TANGO6: variants seen among roughly 807,000 people sequenced by gnomAD.
The protein encoded by TANGO6 is transport and Golgi organization protein 6 homolog.
In TANGO6, 90 loss-of-function variants were observed where a neutral mutation model predicts 114.2. The ratio of observed to expected loss-of-function variants is 0.79; its 90% confidence interval spans 0.66 to 0.94. TANGO6 has a LOEUF of 0.94. TANGO6 is among the 40% of genes least tolerant of loss of function. TANGO6 has a pLI of 0.00. For synonymous variants in TANGO6, 477 were observed against 509.8 expected (o/e 0.94, Z 0.87); for missense variants, 1,274 against 1,315.3 (o/e 0.97, Z 0.49).
chr16:68,984,404 C>T (rs985134876), intron 15 of TANGO6, among the ~76,000 whole-genome samples: 4 of 152,144 alleles, frequency 2.6e-5, no homozygotes, highest in African/African-American at 9.7e-5. Flanking sequence ...TTTTCCTTTC[C>T]CGTTTCTCTT....
intron 13 of TANGO6, 54 bp downstream of exon 13, chr16:68,928,137 A>T: frequency 6.8e-7 from 1 of 1,480,156 alleles, no homozygotes; most frequent in Non-Finnish European, 8.9e-7. Context: ...CATTCATTCA[A>T]CTCAAGTATT....
intron 15 of TANGO6, among the ~76,000 whole-genome samples, chr16:69,018,795 C>T (rs1007439321): frequency 1.3e-4 from 20 of 151,978 alleles, no homozygotes; most frequent in African/African-American, 4.8e-4. Flanking sequence ...GGCGTGGTGG[C>T]GGGTGCCTGT....
intron 3 of TANGO6, among the ~76,000 whole-genome samples, chr16:68,864,780 T>G (rs1238715550): frequency 6.6e-6 from 1 of 152,084 alleles, no homozygotes; most frequent in Non-Finnish European, 1.5e-5. Flanking sequence ...TTGTAAACCT[T>G]TCCATTCTTC....
intron 15 of TANGO6, among the ~76,000 whole-genome samples, chr16:69,004,472 C>T (rs909996331): frequency 2.6e-5 from 4 of 152,078 alleles, no homozygotes; most frequent in African/African-American, 9.7e-5. Context: ...CCTCCTGCCT[C>T]AGCCTCCTGA....
chr16:68,998,213 T>A (rs1382828662), intron 15 of TANGO6, among the ~76,000 whole-genome samples: 2 of 152,172 alleles, frequency 1.3e-5, no homozygotes, highest in Non-Finnish European at 2.9e-5. Context: ...AGAATTAGAA[T>A]ACTCATTCAG....
At chr16:68,883,558 G>A (rs935944490) in intron 7 of TANGO6, among the ~76,000 whole-genome samples, 1 of 152,124 alleles carries the variant, frequency 6.6e-6, no homozygotes, top group Non-Finnish European at 1.5e-5. Context: ...GGACATTTAG[G>A]TTGTTTCCAT....
chr16:69,004,253 C>G lies in TANGO6; in HGVS notation c.2843-18575C>G, dbSNP rs557703890. Among the ~76,000 whole-genome samples, 7 of 152,136 alleles carry G rather than the reference C, an allele frequency of 4.6e-5. No homozygotes were observed. The East Asian group carries it at 1.3e-3, about 29-fold the overall frequency. On this transcript the variant is annotated intron_variant, in intron 15 of 17. Coordinates refer to ENST00000261778, the MANE Select transcript of TANGO6 (RefSeq NM_024562.2). The stretch of plus-strand genomic sequence containing the variant: ...AAACACAGCTAGACATGTATGCACA[C>G]ACATAAAGATCCAATAGCTTTTATC...
At chr16:69,046,666 G>A (rs1959863695) in intron 17 of TANGO6, among the ~76,000 whole-genome samples, 1 of 152,072 alleles carries the variant, frequency 6.6e-6, no homozygotes, top group South Asian at 2.1e-4. Context: ...CAATGAAGTA[G>A]AGGAGAAATA....
In TANGO6 at chr16:68,972,460, T is replaced by C. The variant is rs76951109; in HGVS notation, c.2702-1568T>C. Among the ~76,000 whole-genome samples, 67 of 152,190 alleles carry C rather than the reference T, an allele frequency of 4.4e-4. No individual in the cohort carries two copies. In the East Asian group the frequency reaches 0.01, roughly 23 times the overall value. On this transcript the variant is annotated intron_variant, in intron 14 of 17. Transcript: ENST00000261778. ...GAGAATGGTAAATTTAGATGAAAAA[T>C]AAGTATAGATTTCTCAAGCATTTAT... is the stretch of plus-strand genomic sequence containing the variant.
chr16:68,950,322 T>C (rs1363319222), intron 14 of TANGO6, among the ~76,000 whole-genome samples: 1 of 152,144 alleles, frequency 6.6e-6, no homozygotes, highest in Non-Finnish European at 1.5e-5. Context: ...TCCCAACACT[T>C]TGGGAGGCCG....
At chr16:68,896,644 G>A (rs902677234) in intron 7 of TANGO6, among the ~76,000 whole-genome samples, 1 of 152,170 alleles carries the variant, frequency 6.6e-6, no homozygotes, top group African/African-American at 2.4e-5. Context: ...TTCCATCAAG[G>A]AAGTTTAAAG....
chr16:69,002,387 C>T (rs921745241), intron 15 of TANGO6, among the ~76,000 whole-genome samples: 3 of 152,108 alleles, frequency 2.0e-5, no homozygotes, highest in East Asian at 1.9e-4. Flanking sequence ...TCCCCATAAT[C>T]GCCATGTATT....
intron 15 of TANGO6, among the ~76,000 whole-genome samples, chr16:69,003,646 A>T (rs944556568): frequency 6.6e-6 from 1 of 152,178 alleles, no homozygotes; most frequent in Non-Finnish European, 1.5e-5. Context: ...TTATAAATTA[A>T]TTTTCTTTCA....
At chr16:69,019,964 C>T (rs1959371705) in intron 15 of TANGO6, among the ~76,000 whole-genome samples, 1 of 152,098 alleles carries the variant, frequency 6.6e-6, no homozygotes, top group African/African-American at 2.4e-5. Context: ...TCAATATTAC[C>T]ATTTCCTGTA....
At chr16:68,870,470 G>C (rs1392247967) in intron 4 of TANGO6, among the ~76,000 whole-genome samples, 1 of 152,148 alleles carries the variant, frequency 6.6e-6, no homozygotes, top group African/African-American at 2.4e-5. Flanking sequence ...CCCATAAGAA[G>C]TTGTCCCTTA....
intron 15 of TANGO6, among the ~76,000 whole-genome samples, chr16:69,020,904 ATGTGTGTGTGTGTGTGTGTGTG>A (rs34350425): frequency 1.1e-5 from 1 of 87,284 alleles, no homozygotes; most frequent in African/African-American, 2.9e-5. Flanking sequence ...ATATGTATGT[ATGTGTGTGTGTGTGTGTGTGTG>A]TGTGTGTGTG....
chr16:68,874,598 A>G (rs542467885), intron 4 of TANGO6, among the ~76,000 whole-genome samples: 2 of 152,328 alleles, frequency 1.3e-5, no homozygotes, highest in African/African-American at 4.8e-5. Flanking sequence ...TATGAATAAT[A>G]TCATTATAGT....
chr16:68,965,374 C>T (rs961695891), intron 14 of TANGO6, among the ~76,000 whole-genome samples: 1 of 152,050 alleles, frequency 6.6e-6, no homozygotes, highest in African/African-American at 2.4e-5. Context: ...TTCATTTTCC[C>T]CCTCTTTCTA....
chr16:69,082,512 C>T (rs928608216), intron 17 of TANGO6, among the ~76,000 whole-genome samples: 18 of 151,878 alleles, frequency 1.2e-4, no homozygotes, highest in Non-Finnish European at 2.4e-4. Flanking sequence ...TTTGGGAGGC[C>T]GAGGCAGGCA....
Sources: allele counts gnomAD v4.1 joint callset (sites outside exome capture counted in the v4.1 genomes callset), GRCh38; gene constraint gnomAD v4.1.1; transcripts MANE v1.5; gene names NCBI Gene and HGNC (gene_info 2026-07-23, HGNC 2026-07-21).